The following SOX5 variants were observed in gnomAD, a reference collection of about 807,000 sequenced individuals.
The protein encoded by SOX5 is SRY-box transcription factor 5, also known as transcription factor SOX-5.
SOX5 carries 9 observed loss-of-function variants against 92.0 expected under a neutral mutation model. That is an observed-to-expected ratio of 0.10 (90% CI 0.06 to 0.17). The LOEUF (loss-of-function observed/expected upper bound fraction) is 0.17, where lower values mean the gene tolerates loss of function less well. Ranked by LOEUF, SOX5 falls within the 10% of genes least tolerant of loss-of-function variation. The probability of loss-of-function intolerance (pLI) is 1.00; values close to 1 mark genes in which losing one functional copy is unlikely to be tolerated. For missense variants in SOX5, 642 were observed against 944.5 expected (o/e 0.68, Z 4.20); for synonymous variants, 344 against 336.3 (o/e 1.02, Z -0.25).
intron 1 of SOX5, among the ~76,000 whole-genome samples, chr12:24,385,776 A>G (rs1411422617): frequency 6.6e-6 from 1 of 152,010 alleles, no homozygotes; most frequent in African/African-American, 2.4e-5. Context: ...CATGTCTACC[A>G]AAAGAATTAG....
At chr12:24,140,942 T>C (rs1950529721) in intron 4 of SOX5, among the ~76,000 whole-genome samples, 1 of 152,204 alleles carries the variant, frequency 6.6e-6, no homozygotes, top group Admixed American at 6.5e-5. Context: ...CATAGCTATA[T>C]TTCTATCAAG....
chr12:23,869,050 C>T (rs1452225752), intron 2 of SOX5, among the ~76,000 whole-genome samples: 3 of 152,066 alleles, frequency 2.0e-5, no homozygotes, highest in Non-Finnish European at 4.4e-5. Context: ...TTATGCTCTG[C>T]ACTTCTGTAT....
intron 4 of SOX5, among the ~76,000 whole-genome samples, chr12:24,087,997 G>A (rs1324884122): frequency 6.6e-6 from 1 of 151,868 alleles, no homozygotes; most frequent in African/African-American, 2.4e-5. Context: ...AGTTTCTAAC[G>A]ATATCTCAGA....
chr12:24,077,821 A>T (rs71450412), intron 4 of SOX5, among the ~76,000 whole-genome samples: 13,023 of 144,796 alleles, frequency 0.09, 637 homozygotes, highest in Non-Finnish European at 0.11. Flanking sequence ...CTAAGTGAAG[A>T]CAAATCTCAG....
intron 4 of SOX5, among the ~76,000 whole-genome samples, chr12:24,136,691 G>A (rs1950140250): frequency 6.6e-6 from 1 of 152,202 alleles, no homozygotes; most frequent in Non-Finnish European, 1.5e-5. Context: ...CCAAGCATAT[G>A]CCTAAAGAGA....
intron 2 of SOX5, among the ~76,000 whole-genome samples, chr12:24,343,064 T>C (rs1227653108): frequency 6.6e-6 from 1 of 152,236 alleles, no homozygotes; most frequent in Non-Finnish European, 1.5e-5. Flanking sequence ...GCAAGTTTAA[T>C]AGTCACCTTC....
At chr12:23,662,557 T>A (rs977020608) in intron 7 of SOX5, among the ~76,000 whole-genome samples, 2 of 152,324 alleles carry the variant, frequency 1.3e-5, no homozygotes, top group East Asian at 1.9e-4. Context: ...ATTTTGTGGG[T>A]TTCCATTCCA....
chr12:24,362,780 T>G (rs1955724951), intron 2 of SOX5, among the ~76,000 whole-genome samples: 1 of 151,236 alleles, frequency 6.6e-6, no homozygotes, highest in Non-Finnish European at 1.5e-5. Context: ...TATTTAATAA[T>G]TAGCTAGATA....
intron 4 of SOX5, among the ~76,000 whole-genome samples, chr12:24,172,089 G>A (rs1954258162): frequency 7.7e-6 from 1 of 129,588 alleles, no homozygotes. Context: ...GTGTGTGTGT[G>A]TGTGCGTGCG....
chr12:24,408,964 T>A (rs1441741125), intron 1 of SOX5, among the ~76,000 whole-genome samples: 2 of 152,164 alleles, frequency 1.3e-5, no homozygotes, highest in African/African-American at 4.8e-5. Flanking sequence ...GACCCAGCAA[T>A]CCCATTACTG....
At chr12:23,828,068 G>A (rs187357340) in intron 3 of SOX5, among the ~76,000 whole-genome samples, 1 of 152,116 alleles carries the variant, frequency 6.6e-6, no homozygotes, top group Non-Finnish European at 1.5e-5. Context: ...ATACATCAGG[G>A]GTCCCATAGA....
chr12:24,129,972 T>C (rs182480850), intron 4 of SOX5, among the ~76,000 whole-genome samples: 42 of 152,280 alleles, frequency 2.8e-4, no homozygotes, highest in African/African-American at 9.9e-4. Context: ...AAAATGCACA[T>C]GTGTGCTTGT....
chr12:24,216,449 A>T (rs1230123182), intron 3 of SOX5, among the ~76,000 whole-genome samples: 1 of 152,124 alleles, frequency 6.6e-6, no homozygotes. Flanking sequence ...ACGCCACCGC[A>T]CTACAGCCTG....
At chr12:24,412,946 A>G (rs959640159) in intron 1 of SOX5, among the ~76,000 whole-genome samples, 7 of 151,836 alleles carry the variant, frequency 4.6e-5, no homozygotes, top group Non-Finnish European at 1.0e-4. Context: ...TAGTAGAGAC[A>G]GGGTTTCACC....
At chr12:23,555,516 A>AACTC (rs1485903716) in intron 11 of SOX5, among the ~76,000 whole-genome samples, 1 of 152,168 alleles carries the variant, frequency 6.6e-6, no homozygotes, top group Non-Finnish European at 1.5e-5. Flanking sequence ...GCTCCTTAAA[A>AACTC]ACTCACACCA....
chr12:24,323,297 T>TTA (rs754375328), intron 2 of SOX5, among the ~76,000 whole-genome samples: 1 of 150,820 alleles, frequency 6.6e-6, no homozygotes, highest in East Asian at 1.9e-4. Context: ...ATGTAGCTGA[T>TTA]TATATATATA....
At chr12:24,448,247 C>G (rs1037747708) in intron 1 of SOX5, among the ~76,000 whole-genome samples, 1 of 151,934 alleles carries the variant, frequency 6.6e-6, no homozygotes, top group Non-Finnish European at 1.5e-5. Context: ...GTATATTTAA[C>G]CTAAAAATCC....
chr12:23,542,555 T>TA (rs1196529007), intron 13 of SOX5, among the ~76,000 whole-genome samples: 1 of 152,180 alleles, frequency 6.6e-6, no homozygotes, highest in Non-Finnish European at 1.5e-5. Flanking sequence ...GTGGGTAGAG[T>TA]AAATGCGTAC....
chr12:23,577,001 G>T (rs944745981), intron 9 of SOX5, among the ~76,000 whole-genome samples: 8 of 150,642 alleles, frequency 5.3e-5, no homozygotes, highest in African/African-American at 1.9e-4. Flanking sequence ...TTAATCAAAT[G>T]GGGTAGTCAG....
Sources: gnomAD v4.1 joint callset for allele counts (sites outside exome capture counted in the v4.1 genomes callset) on GRCh38, gnomAD v4.1.1 for gene constraint, MANE v1.5 for transcripts, NCBI Gene and HGNC (gene_info 2026-07-23, HGNC 2026-07-21) for gene names.